OXSR1: variants seen among roughly 807,000 people sequenced by gnomAD.
OXSR1 encodes the protein serine/threonine-protein kinase OSR1.
Under a neutral mutation model 79.8 loss-of-function variants are expected in OXSR1, and 24 were observed. The ratio of observed to expected loss-of-function variants is 0.30; its 90% CI spans 0.22 to 0.42. OXSR1 has a LOEUF of 0.42. Ranked by LOEUF, OXSR1 falls within the 10% of genes least tolerant of loss-of-function variation. OXSR1 has a pLI of 1.00. For missense variants in OXSR1, 430 were observed against 618.4 expected, an observed-to-expected ratio of 0.70 and a Z score of 3.23; for synonymous variants, 226 against 209.2, an observed-to-expected ratio of 1.08 and a Z score of -0.69.
chr3:38,167,393 G>A (rs1437952334), intron 1 of OXSR1, among the ~76,000 whole-genome samples: 2 of 152,172 alleles, frequency 1.3e-5, no homozygotes, highest in Non-Finnish European at 1.5e-5. Context: ...TCAATCCAAC[G>A]GACATGAGCA....
chr3:38,224,937 G>T, intron 8 of OXSR1: 1 of 251,076 alleles, frequency 4.0e-6, no homozygotes, highest in Non-Finnish European at 7.5e-6. Context: ...TTACAAAGTT[G>T]TACATTGTGA....
chr3:38,192,553 A>G (rs190423969), intron 3 of OXSR1, among the ~76,000 whole-genome samples: 33 of 152,322 alleles, frequency 2.2e-4, no homozygotes, highest in Non-Finnish European at 4.0e-4. Context: ...CTTTTCCTTT[A>G]CACACAAAAT....
rs879220714 is a variant in OXSR1, at chr3:38,253,004, A to G, written c.*113A>G. On this transcript the variant is annotated 3_prime_UTR_variant, in exon 18 of 18. Coordinates refer to ENST00000311806, the MANE Select transcript of OXSR1 (RefSeq NM_005109.3). Reference sequence around the variant, plus strand: ...GAACCCAGCAACAAACCTCCCGGCTAGGAGCTTTAGAAGTCTTTATGTTCT... The same window carrying G: ...GAACCCAGCAACAAACCTCCCGGCTGGGAGCTTTAGAAGTCTTTATGTTCT... 1.3e-6 allele frequency: 1 copy of G among 769,980 alleles called. No individual in the cohort carries two copies. Among genetic ancestry groups the G allele is most frequent in the South Asian group, 1.6e-5 (1 of 63,552 alleles). The allele number at this position is 769,980 out of a possible 1,614,324, so 47.7% of individuals were successfully genotyped here.
chr3:38,234,442 T>G (rs1702877153), intron 10 of OXSR1, among the ~76,000 whole-genome samples: 1 of 152,176 alleles, frequency 6.6e-6, no homozygotes. Context: ...GCAAAGGATC[T>G]GAATAGAAAC....
chr3:38,164,593 T>C (rs1701390969), upstream of OXSR1, among the ~76,000 whole-genome samples: 1 of 152,186 alleles, frequency 6.6e-6, no homozygotes, highest in African/African-American at 2.4e-5. Context: ...CTAATTTCTC[T>C]AACGGCCGTA....
At chr3:38,182,313 G>T (rs1231006000) in intron 1 of OXSR1, among the ~76,000 whole-genome samples, 2 of 152,190 alleles carry the variant, frequency 1.3e-5, no homozygotes, top group Non-Finnish European at 2.9e-5. Context: ...GGCTGGCGCT[G>T]TGGAGAATCT....
At chr3:38,245,736 T>C (rs1182241776) in intron 12 of OXSR1, among the ~76,000 whole-genome samples, 2 of 152,198 alleles carry the variant, frequency 1.3e-5, no homozygotes, top group Non-Finnish European at 2.9e-5. Context: ...GAACTAACTA[T>C]AGGCATGAGA....
upstream of OXSR1, chr3:38,165,288 GC>G (rs1441859127): frequency 1.3e-5 from 2 of 152,664 alleles, no homozygotes; most frequent in Non-Finnish European, 2.9e-5. Context: ...TGGTCGCCAT[GC>G]TTAGTGTGGC....
At position 38,176,720 on chromosome 3, in the gene OXSR1, A is replaced by C. The variant is rs145684522; in HGVS notation, c.71-6283A>C. ...AGAGCATAATATCTTGCTCATGAGA[A>C]GATTTGTTCATTAAGTGAATGAATC... On this transcript the variant is annotated intron_variant, in intron 1 of 17. Coordinates refer to ENST00000311806, the MANE Select transcript of OXSR1 (RefSeq NM_005109.3). Among the ~76,000 whole-genome samples, 607 of 152,332 alleles carry C rather than the reference A, an allele frequency of 4.0e-3. 7 individuals carry two copies. The highest frequency in any genetic ancestry group is 0.014 in the African/African-American group (584 of 41,572).
intron 14 of OXSR1, among the ~76,000 whole-genome samples, chr3:38,248,011 A>G (rs2125854686): frequency 6.6e-6 from 1 of 152,258 alleles, no homozygotes; most frequent in South Asian, 2.1e-4. Flanking sequence ...AGTTTGGGTT[A>G]GGAGGTGTAG....
chr3:38,207,873 T>C, intron 4 of OXSR1, among the ~76,000 whole-genome samples: 1 of 137,644 alleles, frequency 7.3e-6, no homozygotes, highest in Admixed American at 7.2e-5. Context: ...TTCTTCTCCT[T>C]CCCTCCCCAC....
chr3:38,221,035 C>T (rs750731739), intron 5 of OXSR1, among the ~76,000 whole-genome samples: 45 of 152,268 alleles, frequency 3.0e-4, no homozygotes, highest in South Asian at 8.3e-4. Flanking sequence ...TTTAGAATTA[C>T]GAACTCTGAT....
At chr3:38,166,789 CAAAAAAA>C (rs915290107) in intron 1 of OXSR1, among the ~76,000 whole-genome samples, 27 of 63,806 alleles carry the variant, frequency 4.2e-4, no homozygotes, top group African/African-American at 1.4e-3. Context: ...GACTCTGACT[CAAAAAAA>C]AAAAAAAAAA....
intron 4 of OXSR1, among the ~76,000 whole-genome samples, chr3:38,207,738 C>T (rs1045903523): frequency 2.6e-5 from 4 of 152,154 alleles, no homozygotes; most frequent in South Asian, 2.1e-4. Context: ...CACTTTTGTT[C>T]GCATCACAGT....
rs528984035 is a variant in OXSR1 at position 38,188,330 on chromosome 3, C to G, written c.184-2401C>G. Among the ~76,000 whole-genome samples, 8 of 152,280 alleles carry G rather than the reference C, an allele frequency of 5.3e-5. No individual in the cohort carries two copies. The East Asian group carries it at 1.5e-3, about 29-fold the overall frequency. On this transcript the variant is annotated intron_variant, in intron 2 of 17. Coordinates refer to ENST00000311806, the MANE Select transcript of OXSR1 (RefSeq NM_005109.3). ...TCTCTATTATTATCTCGACTCTTCC[C>G]TTTTCATTCATACTGTCACTAACTT...
chr3:38,220,308 C>T (rs573936945), intron 5 of OXSR1, among the ~76,000 whole-genome samples: 2 of 152,214 alleles, frequency 1.3e-5, no homozygotes, highest in South Asian at 4.2e-4. Flanking sequence ...AATTAGCCTT[C>T]TCACAATTGG....
chr3:38,170,903 C>G (rs77721405), intron 1 of OXSR1, among the ~76,000 whole-genome samples: 2,458 of 152,236 alleles, frequency 0.016, 69 homozygotes, highest in African/African-American at 0.056. Context: ...TCGTCCTCCC[C>G]AGTAGCTGGA....
chr3:38,253,601 A>G lies in OXSR1; in HGVS notation c.*710A>G, dbSNP rs878887747. ...CGAACTTCAGCCATCAGATCCTTCA[A>G]AGTGGAACTTTGGATTGTTTTTACA... On this transcript the variant is annotated 3_prime_UTR_variant, in exon 18 of 18. Transcript: ENST00000311806. 6.6e-6 allele frequency: 1 copy of G among 152,640 alleles called. No individual in the cohort carries two copies. Among genetic ancestry groups the G allele is most frequent in the Admixed American group, 6.5e-5 (1 of 15,274 alleles). The allele number at this position is 152,640 out of a possible 1,614,324, so 9.5% of individuals were successfully genotyped here.
chr3:38,201,707 C>CAAA (rs112015179), intron 4 of OXSR1, among the ~76,000 whole-genome samples: 12,944 of 147,000 alleles, frequency 0.088, 754 homozygotes, highest in African/African-American at 0.16. Flanking sequence ...GAGAGTGTCT[C>CAAA]AAAAAAAAAA....
Sources: allele counts gnomAD v4.1 joint callset (sites outside exome capture counted in the v4.1 genomes callset), GRCh38; gene constraint gnomAD v4.1.1; transcripts MANE v1.5; gene names NCBI Gene and HGNC (gene_info 2026-07-23, HGNC 2026-07-21).